EPB41L4A: variants seen among roughly 807,000 people sequenced by gnomAD.
EPB41L4A encodes the protein band 4.1-like protein 4A.
Under a neutral mutation model 108.6 loss-of-function variants are expected in EPB41L4A, and 100 were observed. The ratio of observed to expected loss-of-function variants is 0.92; its 90% CI spans 0.78 to 1.09. EPB41L4A has a LOEUF of 1.09. Ranked by LOEUF, EPB41L4A falls within the 50% of genes least tolerant of loss-of-function variation. EPB41L4A has a pLI of 0.00. For synonymous variants in EPB41L4A, 319 were observed against 289.0 expected, an observed-to-expected ratio of 1.10 and a Z score of -1.05; for missense variants, 1,030 against 842.7, an observed-to-expected ratio of 1.22 and a Z score of -2.75.
rs1751479514 is a variant in EPB41L4A, at chr5:112,261,500, A to G, written c.642+994T>C. Among the ~76,000 whole-genome samples, 4 of 152,242 alleles carry G rather than the reference A, an allele frequency of 2.6e-5. No homozygotes were observed. The South Asian group carries it at 8.3e-4, about 31-fold the overall frequency. On this transcript the variant is annotated intron_variant, in intron 7 of 22. Transcript: ENST00000261486. ...CCTCAAATAAAATTTAACTATTGCT[A>G]TCCACATTCCTCTTAATTCAAAGGC...
At chr5:112,358,892 A>T (rs1049466528) in intron 1 of EPB41L4A, among the ~76,000 whole-genome samples, 2 of 152,262 alleles carry the variant, frequency 1.3e-5, no homozygotes, top group Non-Finnish European at 2.9e-5. Context: ...AGACAATAAC[A>T]TAAAAGAATC....
At chr5:112,270,254 G>A (rs13361927) in intron 4 of EPB41L4A, among the ~76,000 whole-genome samples, 10,064 of 152,190 alleles carry the variant, frequency 0.066, 385 homozygotes, top group African/African-American at 0.076. Flanking sequence ...GAAAACTGAA[G>A]GATGTAGGGA....
At chr5:112,391,175 G>A (rs1257821123) in intron 1 of EPB41L4A, among the ~76,000 whole-genome samples, 1 of 152,190 alleles carries the variant, frequency 6.6e-6, no homozygotes, top group South Asian at 2.1e-4. Context: ...TCCTCCAAAG[G>A]ACTGCAGCTC....
rs576186625 is a variant in EPB41L4A at position 112,271,878 on chromosome 5, A to AT, written c.335+3447dup. ...TAGGAAGCTGGCTGATGTGTCAGAAATGTTCTACACGGGTGGAGTTCAGAA... is the reference window on the plus strand; with the variant it reads ...TAGGAAGCTGGCTGATGTGTCAGAAATTGTTCTACACGGGTGGAGTTCAGAA... On this transcript the variant is annotated intron_variant, in intron 4 of 22. Coordinates refer to ENST00000261486, the MANE Select transcript of EPB41L4A (RefSeq NM_022140.5). Among the ~76,000 whole-genome samples the AT allele has an allele frequency of 9.7e-4, 148 of 152,168 alleles. 1 individual carries two copies. The highest frequency in any genetic ancestry group is 1.2e-3 in the Non-Finnish European group (79 of 68,030).
chr5:112,198,274 C>T (rs1018088279), intron 15 of EPB41L4A, among the ~76,000 whole-genome samples: 6 of 152,124 alleles, frequency 3.9e-5, no homozygotes, highest in Admixed American at 6.5e-5. Flanking sequence ...CTCAGGTGAT[C>T]GGCCCACCTC....
chr5:112,388,106 T>C (rs1281603850), intron 1 of EPB41L4A, among the ~76,000 whole-genome samples: 1 of 152,160 alleles, frequency 6.6e-6, no homozygotes, highest in Non-Finnish European at 1.5e-5. Flanking sequence ...TCACAGATCA[T>C]TAAATTAATT....
intron 13 of EPB41L4A, among the ~76,000 whole-genome samples, chr5:112,144,512 A>T (rs1269772947): frequency 6.6e-6 from 1 of 152,150 alleles, no homozygotes; most frequent in Admixed American, 6.5e-5. Context: ...CCTGGGCCCA[A>T]GCAATCTGCC....
At chr5:112,286,931 C>A (rs1334281997) in intron 2 of EPB41L4A, among the ~76,000 whole-genome samples, 3 of 152,076 alleles carry the variant, frequency 2.0e-5, no homozygotes, top group Non-Finnish European at 1.5e-5. Context: ...GTATTTACTG[C>A]AATTACCTCC....
chr5:112,352,614 G>A (rs1376130313), intron 1 of EPB41L4A, among the ~76,000 whole-genome samples: 2 of 152,174 alleles, frequency 1.3e-5, no homozygotes. Flanking sequence ...TAATGTGTGA[G>A]AATTTATTCC....
intron 1 of EPB41L4A, among the ~76,000 whole-genome samples, chr5:112,385,313 A>G (rs1271429947): frequency 6.6e-6 from 1 of 152,198 alleles, no homozygotes; most frequent in East Asian, 1.9e-4. Flanking sequence ...GAAAAAGTCC[A>G]ATAAAAGGCA....
intron 18 of EPB41L4A, chr5:112,173,646 GT>G (rs11333429): frequency 0.6 from 77,961 of 130,606 alleles, 22,429 homozygotes; most frequent in East Asian, 0.96. Flanking sequence ...TGTTATCTTT[GT>G]TTTTTTTTTT....
chr5:112,183,944 G>A, intron 18 of EPB41L4A, 72 bp downstream of exon 18: 1 of 1,574,352 alleles, frequency 6.4e-7, no homozygotes, highest in Non-Finnish European at 8.7e-7. Context: ...AAACACTTTA[G>A]AAGACCTGAA....
chr5:112,363,439 C>T (rs1758908481), intron 1 of EPB41L4A: 1 of 144,304 alleles, frequency 6.9e-6, no homozygotes, highest in African/African-American at 2.6e-5. Flanking sequence ...AAAAAAAAAT[C>T]AGCCAGGCAG....
At chr5:112,353,148 G>C (rs1758149211) in intron 1 of EPB41L4A, among the ~76,000 whole-genome samples, 1 of 152,146 alleles carries the variant, frequency 6.6e-6, no homozygotes. Flanking sequence ...GAAGACTATG[G>C]TAAGGCCTTG....
At chr5:112,416,828 A>G (rs1057203914) in intron 1 of EPB41L4A, among the ~76,000 whole-genome samples, 5 of 152,206 alleles carry the variant, frequency 3.3e-5, no homozygotes, top group Admixed American at 6.5e-5. Flanking sequence ...ATACCTCTAC[A>G]TGCAAGTTTT....
chr5:112,156,833 T>C (rs1193929315), intron 12 of EPB41L4A, among the ~76,000 whole-genome samples: 2 of 152,152 alleles, frequency 1.3e-5, no homozygotes, highest in African/African-American at 4.8e-5. Context: ...AGTACAATCC[T>C]GAAGACAAGC....
chr5:112,224,351 T>C (rs1748303669), intron 12 of EPB41L4A, among the ~76,000 whole-genome samples: 1 of 152,154 alleles, frequency 6.6e-6, no homozygotes, highest in African/African-American at 2.4e-5. Context: ...AAGATCTTTT[T>C]CACAACTTTG....
intron 12 of EPB41L4A, among the ~76,000 whole-genome samples, chr5:112,231,265 A>G (rs1748899361): frequency 6.6e-6 from 1 of 152,230 alleles, no homozygotes; most frequent in Non-Finnish European, 1.5e-5. Flanking sequence ...ATGAGGTATT[A>G]TTAAGTAAGA....
chr5:112,205,274 C>CT (rs373807306), intron 14 of EPB41L4A, 147 bp downstream of exon 14: 2 of 756,950 alleles, frequency 2.6e-6, no homozygotes, highest in East Asian at 2.5e-5. Flanking sequence ...GCCCCTCTCC[C>CT]CTGGGTCACA....
Sources: gnomAD v4.1 joint callset for allele counts (sites outside exome capture counted in the v4.1 genomes callset) on GRCh38, gnomAD v4.1.1 for gene constraint, MANE v1.5 for transcripts, NCBI Gene and HGNC (gene_info 2026-07-23, HGNC 2026-07-21) for gene names.